The following COL19A1 variants were observed in gnomAD, a reference collection of about 807,000 sequenced individuals.
COL19A1 encodes the protein collagen alpha-1(XIX) chain.
COL19A1 carries 159 observed loss-of-function variants against 190.2 expected under a neutral mutation model. The ratio of observed to expected loss-of-function variants is 0.84; its 90% CI spans 0.73 to 0.95. COL19A1 has a LOEUF of 0.95. Ranked by LOEUF, COL19A1 falls within the 40% of genes least tolerant of loss-of-function variation. COL19A1 has a pLI of 0.00. For missense variants in COL19A1, 1,418 were observed against 1,431.9 expected, an observed-to-expected ratio of 0.99 and a Z score of 0.16; for synonymous variants, 509 against 458.9, an observed-to-expected ratio of 1.11 and a Z score of -1.39.
intron 2 of COL19A1, among the ~76,000 whole-genome samples, chr6:69,887,736 A>G (rs1769038683): frequency 6.6e-6 from 1 of 152,218 alleles, no homozygotes; most frequent in Non-Finnish European, 1.5e-5. Context: ...CAACTTGAAT[A>G]GTGAGTAAGA....
intron 44 of COL19A1, among the ~76,000 whole-genome samples, chr6:70,181,444 A>G (rs1766168110): frequency 6.6e-6 from 1 of 152,126 alleles, no homozygotes; most frequent in South Asian, 2.1e-4. Context: ...ACTCAATAAT[A>G]TTAGTTTCAT....
chr6:70,125,272 A>C (rs1300152215), intron 17 of COL19A1, among the ~76,000 whole-genome samples: 1 of 152,194 alleles, frequency 6.6e-6, no homozygotes, highest in Non-Finnish European at 1.5e-5. Context: ...GATTTATGTG[A>C]TGTCTGCACT....
At chr6:69,999,590 A>G (rs1777123946) in intron 11 of COL19A1, among the ~76,000 whole-genome samples, 1 of 152,184 alleles carries the variant, frequency 6.6e-6, no homozygotes, top group African/African-American at 2.4e-5. Context: ...GGGTGTCATT[A>G]TAACAGACAA....
At chr6:69,938,226 A>G in intron 9 of COL19A1, 126 bp downstream of exon 9, 3 of 861,886 alleles carry the variant, frequency 3.5e-6, no homozygotes, top group African/African-American at 1.7e-5. Context: ...ATCAAAGACT[A>G]TATTAAAATG....
At chr6:69,903,710 C>T (rs757913633) in intron 4 of COL19A1, among the ~76,000 whole-genome samples, 10 of 152,196 alleles carry the variant, frequency 6.6e-5, no homozygotes, top group Admixed American at 1.3e-4. Context: ...TCAGGTGCTC[C>T]GTGCACTGCC....
At chr6:70,156,559 C>T (rs1787453711) in intron 33 of COL19A1, 111 bp from the exon 34 acceptor site, 8 of 1,242,080 alleles carry the variant, frequency 6.4e-6, no homozygotes, top group Non-Finnish European at 9.1e-6. Flanking sequence ...TTATTTGTTC[C>T]CTGACCCTGT....
chr6:70,021,826 G>A (rs1778430428), intron 11 of COL19A1, among the ~76,000 whole-genome samples: 1 of 152,164 alleles, frequency 6.6e-6, no homozygotes, highest in African/African-American at 2.4e-5. Context: ...GTAGCCACAT[G>A]TGGCTAGTGG....
In COL19A1 at chr6:70,207,298, C is replaced by T. The variant is rs1172762322; in HGVS notation, c.*24C>T. 6 of 1,600,148 alleles carry T rather than the reference C, an allele frequency of 3.7e-6. No individual in the cohort carries two copies. Among genetic ancestry groups the T allele is most frequent in the African/African-American group, 2.7e-5 (2 of 74,168 alleles). On this transcript the variant is annotated 3_prime_UTR_variant, in exon 51 of 51. Coordinates refer to ENST00000620364, the MANE Select transcript of COL19A1 (RefSeq NM_001858.6). ...GAACACACCTGAAGAAGACTTGGTT[C>T]CTGGTAACATTTCCTTGCCACTGGA...
intron 48 of COL19A1, among the ~76,000 whole-genome samples, chr6:70,197,159 G>A (rs889137121): frequency 9.2e-5 from 14 of 151,888 alleles, no homozygotes; most frequent in Non-Finnish European, 1.8e-4. Context: ...AGTGGCTCAC[G>A]CCTGTAATCC....
chr6:69,921,395 C>CATAATCATATATATCATATATATCAT (rs1771819030), intron 4 of COL19A1, among the ~76,000 whole-genome samples: 4 of 80,356 alleles, frequency 5.0e-5, no homozygotes, highest in African/African-American at 2.5e-4. Flanking sequence ...TCATATATAT[C>CATAATCATATATATCATATATATCAT]ATATATCATA....
At chr6:70,084,694 G>T (rs1782477707) in intron 15 of COL19A1, among the ~76,000 whole-genome samples, 1 of 152,138 alleles carries the variant, frequency 6.6e-6, no homozygotes, top group Non-Finnish European at 1.5e-5. Context: ...ATATTAGGTG[G>T]TGGGTAGAGA....
chr6:70,058,470 T>C (rs1470240921), intron 14 of COL19A1, among the ~76,000 whole-genome samples: 2 of 152,068 alleles, frequency 1.3e-5, no homozygotes, highest in African/African-American at 4.8e-5. Flanking sequence ...TTCTCTCTTA[T>C]CAGTGCTTCC....
rs547636264 is a variant in COL19A1 at position 69,943,490 on chromosome 6, G to T, written c.936+5390G>T. On this transcript the variant is annotated intron_variant, in intron 9 of 50. Transcript: ENST00000620364. Reference sequence around the variant, plus strand: ...CCACAAAATCTTTGCCTAGACTAATGTACCAAAGCATTTTCCATACATTTT... The same window carrying T: ...CCACAAAATCTTTGCCTAGACTAATTTACCAAAGCATTTTCCATACATTTT... 2.6e-5 allele frequency among the ~76,000 whole-genome samples: 4 copies of T among 152,054 alleles called. No individual in the cohort carries two copies. In the South Asian group the frequency reaches 8.3e-4, roughly 32 times the overall value.
At position 70,190,367 on chromosome 6, in the gene COL19A1, T is replaced by C; in HGVS notation, c.3080T>C (p.Leu1027Pro). 6.2e-7 allele frequency: 1 copy of C among 1,602,464 alleles called. No individual in the cohort carries two copies. The highest frequency in any genetic ancestry group is 2.2e-5 in the East Asian group (1 of 44,776). The change falls in exon 48 of 51, where the codon CTA becomes CCA. Residue 1027 changes from leucine (L) to proline (P), a missense_variant. Leu to Pro is a moderately conservative substitution (Grantham distance 98). Transcript: ENST00000620364. ...EIKKYINQEV[L>P]RIFEERMAVF... ...AAGAAGTATATTAATCAAGAGGTCCTAAGGATTTTTGAAGGTTAGATTTTC... is the reference window on the plus strand; with the variant it reads ...AAGAAGTATATTAATCAAGAGGTCCCAAGGATTTTTGAAGGTTAGATTTTC...
At chr6:69,982,702 G>C (rs184728905) in intron 11 of COL19A1, among the ~76,000 whole-genome samples, 10,936 of 151,312 alleles carry the variant, frequency 0.072, 1,322 homozygotes, top group African/African-American at 0.24. Flanking sequence ...GCCAGGAGCA[G>C]TGGCTCACGC....
chr6:70,163,344 G>C lies in COL19A1; in HGVS notation c.2348G>C (p.Gly783Ala). 2 of 1,612,152 alleles carry C rather than the reference G, an allele frequency of 1.2e-6. No homozygotes were observed. The highest frequency in any genetic ancestry group is 1.3e-5 in the African/African-American group (1 of 74,904). ...PGAPGPTGPPGLMGRTGHPGP... is the reference protein window; with the variant it reads ...PGAPGPTGPPALMGRTGHPGP... ...CAAACTTAGTTTTGTGTTTTACAGGGCTTAATGGGAAGAACTGGACATCCT... is the reference window on the plus strand; with the variant it reads ...CAAACTTAGTTTTGTGTTTTACAGGCCTTAATGGGAAGAACTGGACATCCT... Residue 783 changes from glycine to alanine, a missense_variant and splice_region_variant, in exon 36 of 51, where the codon GGC becomes GCC. Coordinates refer to ENST00000620364, the MANE Select transcript of COL19A1 (RefSeq NM_001858.6).
At chr6:69,939,744 A>G (rs1386606587) in intron 9 of COL19A1, among the ~76,000 whole-genome samples, 5 of 152,140 alleles carry the variant, frequency 3.3e-5, no homozygotes, top group African/African-American at 1.2e-4. Context: ...GGACTCAGAA[A>G]GTGGAAAGAT....
At chr6:70,031,299 C>T (rs1779059443) in intron 12 of COL19A1, among the ~76,000 whole-genome samples, 1 of 151,796 alleles carries the variant, frequency 6.6e-6, no homozygotes, top group Non-Finnish European at 1.5e-5. Context: ...ATGTATAATA[C>T]ATAGTGATCA....
chr6:70,040,837 A>G (rs1291181523), intron 14 of COL19A1, among the ~76,000 whole-genome samples: 3 of 152,208 alleles, frequency 2.0e-5, no homozygotes, highest in African/African-American at 7.2e-5. Context: ...ATAGAATTAT[A>G]CTTTTTGATA....
Sources: gnomAD v4.1 joint callset for allele counts (sites outside exome capture counted in the v4.1 genomes callset) on GRCh38, gnomAD v4.1.1 for gene constraint, MANE v1.5 for transcripts, NCBI Gene and HGNC (gene_info 2026-07-23, HGNC 2026-07-21) for gene names.